TENM3: variants seen among roughly 807,000 people sequenced by gnomAD.
TENM3 encodes the protein teneurin transmembrane protein 3.
A neutral mutation model predicts 255.1 loss-of-function variants in TENM3; 63 were observed. The ratio of observed to expected loss-of-function variants is 0.25; its 90% CI spans 0.20 to 0.30. The LOEUF is 0.30. Among genes scored for constraint, TENM3 ranks in the 10% least tolerant of loss-of-function variants. TENM3 has a pLI of 1.00. For synonymous variants in TENM3, 1,306 were observed against 1,322.3 expected (o/e 0.99, Z 0.27); for missense variants, 2,929 against 3,461.1 (o/e 0.85, Z 3.86).
chr4:182,377,768 A>C (rs2309655), intron 3 of TENM3, among the ~76,000 whole-genome samples: 148,514 of 152,262 alleles, frequency 0.98, 72,484 homozygotes, highest in East Asian at 1. Flanking sequence ...AAAGAGAATT[A>C]TTCACATTAT....
At chr4:181,930,169 GAT>G in the TENM3 span, among the ~76,000 whole-genome samples, 2 of 151,992 alleles carry the variant, frequency 1.3e-5, no homozygotes, top group Admixed American at 1.3e-4. Context: ...AAATAAGTAA[GAT>G]CAGAGCAGAA....
the TENM3 span, among the ~76,000 whole-genome samples, chr4:181,459,006 G>A: frequency 6.6e-5 from 10 of 151,964 alleles, no homozygotes; most frequent in East Asian, 1.7e-3. Context: ...TTAGCACTTG[G>A]CATTTGAATG....
the TENM3 span, among the ~76,000 whole-genome samples, chr4:181,649,806 T>G: frequency 2.6e-5 from 4 of 152,316 alleles, no homozygotes; most frequent in African/African-American, 9.6e-5. Context: ...TGATATTTTA[T>G]AACAATATTG....
At chr4:181,707,691 C>G in the TENM3 span, among the ~76,000 whole-genome samples, 1 of 152,190 alleles carries the variant, frequency 6.6e-6, no homozygotes, top group Admixed American at 6.6e-5. Flanking sequence ...GACCTCAACC[C>G]TCCATATTTT....
chr4:181,944,236 T>C, the TENM3 span, among the ~76,000 whole-genome samples: 6 of 151,004 alleles, frequency 4.0e-5, no homozygotes, highest in African/African-American at 1.5e-4. Context: ...TGCAATCCCG[T>C]CTGAGTCTGA....
intron 4 of TENM3, among the ~76,000 whole-genome samples, chr4:182,603,002 A>G (rs1581072572): frequency 6.6e-6 from 1 of 152,350 alleles, no homozygotes; most frequent in Admixed American, 6.5e-5. Context: ...AAAAACTGTC[A>G]GTAGGAGAGT....
intron 1 of TENM3, among the ~76,000 whole-genome samples, chr4:182,268,339 A>T (rs1425128611): frequency 2.6e-5 from 4 of 152,122 alleles, no homozygotes; most frequent in African/African-American, 9.7e-5. Context: ...TCTACCCTAA[A>T]TGTAAAAGAC....
At chr4:181,714,524 G>A in the TENM3 span, among the ~76,000 whole-genome samples, 1 of 152,224 alleles carries the variant, frequency 6.6e-6, no homozygotes, top group African/African-American at 2.4e-5. Flanking sequence ...CATGATGGCA[G>A]ACCAGACCAT....
chr4:182,443,917 G>T (rs749745964), intron 3 of TENM3, among the ~76,000 whole-genome samples: 1 of 152,148 alleles, frequency 6.6e-6, no homozygotes, highest in Non-Finnish European at 1.5e-5. Context: ...AAAGCATTTG[G>T]TTTTTGGGGG....
the TENM3 span, among the ~76,000 whole-genome samples, chr4:181,998,387 A>G: frequency 6.6e-6 from 1 of 152,302 alleles, no homozygotes; most frequent in Non-Finnish European, 1.5e-5. Flanking sequence ...AAGCTGAGCA[A>G]TTAGGCTTTG....
At chr4:181,525,396 C>CAAAAAAAAAAAAAAAAAAAAAAAA in the TENM3 span, among the ~76,000 whole-genome samples, 37 of 97,290 alleles carry the variant, frequency 3.8e-4, no homozygotes, top group East Asian at 2.1e-3. Context: ...GACCCTGTTT[C>CAAAAAAAAAAAAAAAAAAAAAAAA]AAAAAAAAAA....
chr4:182,604,345 G>A (rs1748205032), intron 4 of TENM3, among the ~76,000 whole-genome samples: 1 of 152,052 alleles, frequency 6.6e-6, no homozygotes, highest in Admixed American at 6.6e-5. Context: ...ATTAACAATC[G>A]GTCCCTATGT....
At chr4:181,981,173 A>T in the TENM3 span, among the ~76,000 whole-genome samples, 1 of 152,142 alleles carries the variant, frequency 6.6e-6, no homozygotes, top group African/African-American at 2.4e-5. Context: ...TCTTTTCATG[A>T]ACTATTCTTT....
chr4:181,655,277 G>A, the TENM3 span, among the ~76,000 whole-genome samples: 1 of 152,206 alleles, frequency 6.6e-6, no homozygotes, highest in Non-Finnish European at 1.5e-5. Context: ...GAGTGAGGAT[G>A]CTCAATTTTC....
the TENM3 span, among the ~76,000 whole-genome samples, chr4:181,515,452 C>A: frequency 6.6e-6 from 1 of 151,984 alleles, no homozygotes; most frequent in African/African-American, 2.4e-5. Flanking sequence ...CCACAAATAC[C>A]CAGGAAAGGC....
chr4:182,356,986 C>T (rs1486163046), intron 3 of TENM3, among the ~76,000 whole-genome samples: 6 of 151,260 alleles, frequency 4.0e-5, no homozygotes, highest in African/African-American at 1.5e-4. Context: ...TTTGTTCTTG[C>T]AATAGTTTAC....
the TENM3 span, among the ~76,000 whole-genome samples, chr4:181,944,734 A>G: frequency 6.6e-6 from 1 of 152,052 alleles, no homozygotes; most frequent in Non-Finnish European, 1.5e-5. Flanking sequence ...TTGTGTGAAC[A>G]GCTGCTTGCC....
chr4:181,682,626 G>C, the TENM3 span, among the ~76,000 whole-genome samples: 1 of 152,158 alleles, frequency 6.6e-6, no homozygotes, highest in Non-Finnish European at 1.5e-5. Flanking sequence ...TCATCTATTG[G>C]ATTGACTTGT....
chr4:182,267,001 G>GT (rs1406674620), intron 1 of TENM3, among the ~76,000 whole-genome samples: 1 of 152,060 alleles, frequency 6.6e-6, no homozygotes, highest in Non-Finnish European at 1.5e-5. Flanking sequence ...TTAAATGCAG[G>GT]TTTTCTAATA....
Sources: gnomAD v4.1 joint callset for allele counts (sites outside exome capture counted in the v4.1 genomes callset) on GRCh38, gnomAD v4.1.1 for gene constraint, MANE v1.5 for transcripts, NCBI Gene and HGNC (gene_info 2026-07-23, HGNC 2026-07-21) for gene names.